The following TLL2 variants were observed in gnomAD, a reference collection of about 807,000 sequenced individuals.
TLL2 encodes the protein tolloid-like protein 2.
In TLL2, 106 loss-of-function variants were observed where a neutral mutation model predicts 123.0. The ratio of observed to expected loss-of-function variants is 0.86; its 90% confidence interval spans 0.74 to 1.01. The LOEUF is 1.01. Among genes scored for constraint, TLL2 ranks in the 50% least tolerant of loss-of-function variants. The pLI is 0.00. For synonymous variants in TLL2, 494 were observed against 516.8 expected (o/e 0.96, Z 0.60); for missense variants, 1,332 against 1,336.7 (o/e 1.00, Z 0.06).
At chr10:96,403,989 A>G (rs11591445) in intron 10 of TLL2, among the ~76,000 whole-genome samples, 19,033 of 151,044 alleles carry the variant, frequency 0.13, 1,138 homozygotes, top group Middle Eastern at 0.17. Context: ...ATTATGACAT[A>G]GATTCTTTTG....
intron 9 of TLL2, among the ~76,000 whole-genome samples, chr10:96,406,706 T>G (rs1217918141): frequency 6.6e-6 from 1 of 152,038 alleles, no homozygotes; most frequent in African/African-American, 2.4e-5. Context: ...TGGCCTATCT[T>G]CTCCCCACTG....
chr10:96,409,267 T>C (rs557466267), intron 9 of TLL2, among the ~76,000 whole-genome samples: 4 of 152,306 alleles, frequency 2.6e-5, no homozygotes, highest in African/African-American at 9.6e-5. Flanking sequence ...TGGGGCTGAA[T>C]GATCTCCAAC....
chr10:96,410,270 G>A, intron 9 of TLL2, 89 bp downstream of exon 9: 1 of 939,144 alleles, frequency 1.1e-6, no homozygotes. Context: ...CCGAACAGCT[G>A]TTATTTTTAC....
At chr10:96,388,188 G>C (rs538149174) in intron 13 of TLL2, among the ~76,000 whole-genome samples, 3 of 152,226 alleles carry the variant, frequency 2.0e-5, no homozygotes, top group African/African-American at 4.8e-5. Context: ...TGGATCACAA[G>C]GTCACAAGTT....
chr10:96,391,558 G>C (rs2134060824), intron 13 of TLL2, among the ~76,000 whole-genome samples: 1 of 152,276 alleles, frequency 6.6e-6, no homozygotes, highest in African/African-American at 2.4e-5. Flanking sequence ...GAATCCTACA[G>C]ATCCAGGTTC....
intron 2 of TLL2, among the ~76,000 whole-genome samples, chr10:96,452,260 G>A (rs766446684): frequency 1.3e-5 from 2 of 152,308 alleles, no homozygotes; most frequent in Non-Finnish European, 2.9e-5. Context: ...TCTCAGAGTC[G>A]GTGACATTTG....
At chr10:96,480,512 G>A in intron 1 of TLL2, 53 bp from the exon 2 acceptor site, 1 of 1,420,686 alleles carries the variant, frequency 7.0e-7, no homozygotes, top group Non-Finnish European at 1.0e-6. Context: ...CAAGAAAAAT[G>A]GATTCACTAA....
In TLL2 at chr10:96,428,615, G is replaced by T; in HGVS notation, c.638+16C>A. ...CGACTGATTCTGCAGAGGTGGCCTC[G>T]CTTTCGTTTACTTACCCACAGGTTC... On this transcript the variant is annotated intron_variant, in intron 5 of 20. Coordinates refer to ENST00000357947, the MANE Select transcript of TLL2 (RefSeq NM_012465.4). The T allele has an allele frequency of 1.3e-6, 2 of 1,565,580 alleles. No homozygotes were observed. The highest frequency in any genetic ancestry group is 1.8e-6 in the Non-Finnish European group (2 of 1,137,416).
In TLL2 at chr10:96,373,693, T is replaced by G. The variant is rs774156058; in HGVS notation, c.2565A>C (p.Lys855Asn). ...PILGRFCGSK[K>N]PDPTVASGSS... is the part of the protein sequence containing the mutation. Reference sequence around the variant, plus strand: ...TGCCGGAAGCCACCGTGGGGTCTGGTTTCTTGCTGCCGCAGAAACGGCCCA... The same window carrying G: ...TGCCGGAAGCCACCGTGGGGTCTGGGTTCTTGCTGCCGCAGAAACGGCCCA... The change falls in exon 19 of 21, where the codon AAA (lysine) becomes AAC (asparagine). Residue 855 changes from lysine (K) to asparagine (N), a missense_variant. Coordinates refer to ENST00000357947, the MANE Select transcript of TLL2 (RefSeq NM_012465.4). 6.2e-7 allele frequency: 1 copy of G among 1,614,182 alleles called. No homozygotes were observed. Among genetic ancestry groups the G allele is most frequent in the Non-Finnish European group, 8.5e-7 (1 of 1,180,020 alleles).
intron 10 of TLL2, among the ~76,000 whole-genome samples, chr10:96,400,643 T>C (rs1846384287): frequency 6.6e-6 from 1 of 152,224 alleles, no homozygotes; most frequent in Non-Finnish European, 1.5e-5. Context: ...CACACGACAC[T>C]GATCGGCCAG....
intron 2 of TLL2, among the ~76,000 whole-genome samples, chr10:96,453,736 AT>A (rs1367069684): frequency 6.6e-6 from 1 of 152,202 alleles, no homozygotes; most frequent in Non-Finnish European, 1.5e-5. Context: ...TTCAATATAA[AT>A]TCAGTATAAA....
intron 1 of TLL2, among the ~76,000 whole-genome samples, chr10:96,499,251 C>T (rs769287984): frequency 6.6e-6 from 1 of 152,172 alleles, no homozygotes; most frequent in Non-Finnish European, 1.5e-5. Flanking sequence ...GGGTAATTCC[C>T]TGCTGGTCAG....
At chr10:96,397,875 C>A (rs1365013322) in intron 10 of TLL2, among the ~76,000 whole-genome samples, 2 of 152,154 alleles carry the variant, frequency 1.3e-5, no homozygotes, top group African/African-American at 4.8e-5. Context: ...AGTGACAGGA[C>A]TAGCGGGAGA....
At chr10:96,413,716 C>T (rs765423330) in intron 7 of TLL2, among the ~76,000 whole-genome samples, 1 of 152,050 alleles carries the variant, frequency 6.6e-6, no homozygotes, top group Non-Finnish European at 1.5e-5. Flanking sequence ...CTGGAGCCAC[C>T]CCAGGGAGAG....
At chr10:96,376,903 C>T in intron 17 of TLL2, 84 bp from the exon 18 acceptor site, 1 of 1,401,898 alleles carries the variant, frequency 7.1e-7, no homozygotes, top group Non-Finnish European at 9.3e-7. Context: ...GGTCTCCTCC[C>T]CTCTCTCCTA....
chr10:96,402,965 C>T (rs1188788549), intron 10 of TLL2, among the ~76,000 whole-genome samples: 2 of 152,212 alleles, frequency 1.3e-5, no homozygotes, highest in East Asian at 1.9e-4. Context: ...CACTCTCAGG[C>T]TCGTCAGTTG....
At chr10:96,391,925 A>G (rs933454524) in intron 13 of TLL2, among the ~76,000 whole-genome samples, 1 of 152,210 alleles carries the variant, frequency 6.6e-6, no homozygotes, top group African/African-American at 2.4e-5. Context: ...ATGTTTGCAA[A>G]TTGAAATGCC....
chr10:96,374,966 G>C lies in TLL2; in HGVS notation c.2449-1157C>G, dbSNP rs12268396. On this transcript the variant is annotated intron_variant, in intron 18 of 20. Coordinates refer to ENST00000357947, the MANE Select transcript of TLL2 (RefSeq NM_012465.4). ...GGGAGACAGGACATTAGTTGCGGGG[G>C]GGGGGGGGGGGTGTCAATTCAAAAG... Among the ~76,000 whole-genome samples the C allele has an allele frequency of 7.0e-4, 96 of 136,946 alleles. 2 individuals carry two copies. The highest frequency in any genetic ancestry group is 2.7e-3 in the African/African-American group (88 of 32,810). 89.8% of individuals were successfully genotyped at this position (136,946 alleles called of 152,430 possible). A position where few individuals can be genotyped will look rare whatever the true frequency, so the allele number is the denominator to read the frequency against.
chr10:96,481,967 A>G (rs1397883393), intron 1 of TLL2, among the ~76,000 whole-genome samples: 3 of 152,220 alleles, frequency 2.0e-5, no homozygotes, highest in African/African-American at 7.2e-5. Flanking sequence ...GTTCTCTAAA[A>G]AGTAACTTAG....
Sources: allele counts gnomAD v4.1 joint callset (sites outside exome capture counted in the v4.1 genomes callset), GRCh38; gene constraint gnomAD v4.1.1; transcripts MANE v1.5; gene names NCBI Gene and HGNC (gene_info 2026-07-23, HGNC 2026-07-21).